The following L2HGDH variants were observed in gnomAD, a reference collection of about 807,000 sequenced individuals.
L2HGDH encodes L-2-hydroxyglutarate dehydrogenase, also known as L-2-hydroxyglutarate dehydrogenase, mitochondrial.
Under a neutral mutation model 51.5 loss-of-function variants are expected in L2HGDH, and 34 were observed. The observed-to-expected ratio is 0.66, with a 90% CI of 0.50 to 0.88. L2HGDH has a LOEUF of 0.88. Ranked by LOEUF, L2HGDH falls within the 40% of genes least tolerant of loss-of-function variation. L2HGDH has a pLI of 0.00. For missense variants in L2HGDH, 558 were observed against 571.9 expected (o/e 0.98, Z 0.25); for synonymous variants, 198 against 197.9 (o/e 1.00, Z -0.01).
At chr14:50,310,852 C>G (rs995315390) in intron 1 of L2HGDH, among the ~76,000 whole-genome samples, 3 of 152,080 alleles carry the variant, frequency 2.0e-5, no homozygotes, top group East Asian at 3.8e-4. Context: ...TCTACTCCCC[C>G]TATCCACCAA....
chr14:50,283,700 ATT>A (rs1202119177), intron 5 of L2HGDH, among the ~76,000 whole-genome samples, 169 bp downstream of exon 5: 2 of 151,956 alleles, frequency 1.3e-5, no homozygotes, highest in Non-Finnish European at 2.9e-5. Context: ...TGTAAATGCT[ATT>A]TTTTTGTTAT....
intron 3 of L2HGDH, among the ~76,000 whole-genome samples, chr14:50,298,241 C>CAA (rs1376185765): frequency 1.6e-5 from 2 of 128,830 alleles, no homozygotes; most frequent in Non-Finnish European, 1.7e-5. Flanking sequence ...GACTCTGTCT[C>CAA]AAAAAAAAAA....
intron 3 of L2HGDH, among the ~76,000 whole-genome samples, chr14:50,299,087 A>G (rs536501988): frequency 1.3e-5 from 2 of 152,248 alleles, no homozygotes; most frequent in African/African-American, 4.8e-5. Flanking sequence ...CTTTAGCCAG[A>G]CTAAGAAAAA....
chr14:50,295,212 T>C (rs1156760025), intron 3 of L2HGDH, among the ~76,000 whole-genome samples: 1 of 152,162 alleles, frequency 6.6e-6, no homozygotes, highest in Non-Finnish European at 1.5e-5. Flanking sequence ...TTTTACTGAA[T>C]TGTTTTTTAA....
At chr14:50,274,293 TG>T (rs914603181) in intron 6 of L2HGDH, among the ~76,000 whole-genome samples, 1 of 128,606 alleles carries the variant, frequency 7.8e-6, no homozygotes, top group Admixed American at 7.8e-5. Context: ...AAAAGGGGAG[TG>T]GGGGGGCCAA....
intron 5 of L2HGDH, among the ~76,000 whole-genome samples, chr14:50,281,473 T>A (rs1430046176): frequency 6.6e-6 from 1 of 152,070 alleles, no homozygotes; most frequent in East Asian, 1.9e-4. Flanking sequence ...ATGTTTGTAA[T>A]CCCAGTTACT....
intron 5 of L2HGDH, among the ~76,000 whole-genome samples, chr14:50,278,877 C>T (rs189595211): frequency 2.7e-4 from 41 of 152,292 alleles, no homozygotes; most frequent in African/African-American, 9.6e-4. Flanking sequence ...AATCATAAAT[C>T]AGTATGTATT....
chr14:50,302,866 A>G (rs770372665), intron 2 of L2HGDH, 36 bp downstream of exon 2: 1 of 1,381,680 alleles, frequency 7.2e-7, no homozygotes, highest in Non-Finnish European at 1.0e-6. Flanking sequence ...CAGATGCCCA[A>G]GTAAGCCCAA....
chr14:50,273,574 C>A (rs529245080), intron 6 of L2HGDH, among the ~76,000 whole-genome samples: 1 of 151,552 alleles, frequency 6.6e-6, no homozygotes, highest in African/African-American at 2.4e-5. Flanking sequence ...ATATAAGGCA[C>A]CAAAAGCACA....
chr14:50,294,370 T>C lies in L2HGDH; in HGVS notation c.409-124A>G, dbSNP rs144963486. On this transcript the variant is annotated intron_variant, in intron 3 of 9. Transcript: ENST00000267436. ...AAAGGAGGTTAATTTTTTAAAATTA[T>C]TTTTTCTTCACATATCTAATTCTTC... 3.7e-3 allele frequency: 3,335 copies of C among 906,128 alleles called. 72 individuals are homozygous for C. The African/African-American group carries it at 0.05, about 14-fold the overall frequency. The allele number at this position is 906,128 out of a possible 1,614,324, so 56.1% of individuals were successfully genotyped here. A position where few individuals can be genotyped will look rare whatever the true frequency, so the allele number is the denominator to read the frequency against.
chr14:50,252,980 C>T (rs1888450967), intron 9 of L2HGDH, among the ~76,000 whole-genome samples: 1 of 152,084 alleles, frequency 6.6e-6, no homozygotes, highest in African/African-American at 2.4e-5. Context: ...CTGCAGAATA[C>T]ACATTTTTCT....
chr14:50,267,987 C>T lies in L2HGDH; in HGVS notation c.907-77G>A, dbSNP rs374354837. ...AGAGATGCAAACATTCAATTGGTAA[C>T]ATAAAACACTTTCTTCTCATGCATT... is the stretch of plus-strand genomic sequence containing the variant. On this transcript the variant is annotated intron_variant, in intron 7 of 9. Transcript: ENST00000267436. 6.8e-5 allele frequency: 91 copies of T among 1,338,568 alleles called. 1 individual carries two copies. The African/African-American group carries it at 1.1e-3, about 16-fold the overall frequency. The allele number at this position is 1,338,568 out of a possible 1,614,324, so 82.9% of individuals were successfully genotyped here.
At chr14:50,311,648 A>C (rs1216609566) in intron 1 of L2HGDH, among the ~76,000 whole-genome samples, 3 of 152,188 alleles carry the variant, frequency 2.0e-5, no homozygotes, top group Non-Finnish European at 4.4e-5. Flanking sequence ...GATTGCTTAT[A>C]CTGTGTGCTA....
intron 1 of L2HGDH, among the ~76,000 whole-genome samples, 167 bp downstream of exon 1, chr14:50,311,844 T>C (rs1358170432): frequency 3.3e-5 from 5 of 152,302 alleles, no homozygotes; most frequent in East Asian, 1.9e-4. Context: ...ATACAACGAA[T>C]GAACCTGCAG....
chr14:50,301,942 TAA>T, intron 3 of L2HGDH, 73 bp downstream of exon 3: 1 of 1,459,116 alleles, frequency 6.9e-7, no homozygotes. Flanking sequence ...AATACATTTT[TAA>T]AAAATGTAAT....
At chr14:50,250,524 C>T (rs1595061212) in intron 9 of L2HGDH, among the ~76,000 whole-genome samples, 1 of 152,154 alleles carries the variant, frequency 6.6e-6, no homozygotes, top group Non-Finnish European at 1.5e-5. Context: ...TCTGTGGCTT[C>T]CAGACAGCAT....
chr14:50,294,295 C>T (rs199720931), intron 3 of L2HGDH, 49 bp from the exon 4 acceptor site: 87 of 1,580,772 alleles, frequency 5.5e-5, no homozygotes, highest in Non-Finnish European at 7.0e-5. Context: ...AATGTATCAT[C>T]AGCGATGAAA....
chr14:50,285,450 G>A (rs1333387181), intron 4 of L2HGDH, among the ~76,000 whole-genome samples: 2 of 152,106 alleles, frequency 1.3e-5, no homozygotes, highest in Non-Finnish European at 2.9e-5. Context: ...CATTCCTTCT[G>A]TTTTGATACA....
Position 50,304,707 on chromosome 14 carries a change from C to G in L2HGDH, c.141-1690G>C, listed in dbSNP as rs190096624. On this transcript the variant is annotated intron_variant, in intron 1 of 9. Coordinates refer to ENST00000267436, the MANE Select transcript of L2HGDH (RefSeq NM_024884.3). ...AAAATTAGCCAGGCGTGGTGGCGGG[C>G]ACCTGTAGTCCCAGCTACTCGGGAG... 3.3e-5 allele frequency among the ~76,000 whole-genome samples: 5 copies of G among 152,228 alleles called. No individual in the cohort carries two copies. The South Asian group carries it at 6.2e-4, about 19-fold the overall frequency.
Sources: gnomAD v4.1 joint callset for allele counts (sites outside exome capture counted in the v4.1 genomes callset) on GRCh38, gnomAD v4.1.1 for gene constraint, MANE v1.5 for transcripts, NCBI Gene and HGNC (gene_info 2026-07-23, HGNC 2026-07-21) for gene names.